The following FGD4 variants were observed in gnomAD, a reference collection of about 807,000 sequenced individuals.
FGD4 encodes the protein FYVE, RhoGEF and PH domain-containing protein 4.
In FGD4, 42 loss-of-function variants were observed where a neutral mutation model predicts 102.0. The observed-to-expected ratio is 0.41, with a 90% CI of 0.32 to 0.53. The LOEUF (loss-of-function observed/expected upper bound fraction) is 0.53, where lower values mean the gene tolerates loss of function less well. Ranked by LOEUF, FGD4 falls within the 20% of genes least tolerant of loss-of-function variation. The pLI is 0.21. For missense variants in FGD4, 902 were observed against 1,078.2 expected, an observed-to-expected ratio of 0.84 and a Z score of 2.29; for synonymous variants, 380 against 375.7, an observed-to-expected ratio of 1.01 and a Z score of -0.13.
intron 4 of FGD4, among the ~76,000 whole-genome samples, chr12:32,590,005 A>G (rs777314870): frequency 1.1e-4 from 17 of 152,114 alleles, no homozygotes; most frequent in Middle Eastern, 3.2e-3. Flanking sequence ...TGCTTATGAC[A>G]CTATATTATA....
At chr12:32,512,141 G>A (rs1038696182) in intron 1 of FGD4, among the ~76,000 whole-genome samples, 2 of 151,972 alleles carry the variant, frequency 1.3e-5, no homozygotes, top group Non-Finnish European at 2.9e-5. Flanking sequence ...GTGGCTTGAG[G>A]GCTCGAAGAA....
intron 13 of FGD4, 98 bp from the exon 14 acceptor site, chr12:32,625,556 A>G (rs1473463466): frequency 5.6e-6 from 8 of 1,435,898 alleles, no homozygotes; most frequent in African/African-American, 2.9e-5. Flanking sequence ...AGTTCAGAAC[A>G]TGGTTTGAGC....
intron 1 of FGD4, among the ~76,000 whole-genome samples, chr12:32,524,965 C>T (rs1230669362): frequency 1.3e-5 from 2 of 152,144 alleles, no homozygotes; most frequent in African/African-American, 4.8e-5. Context: ...ATATCTTATG[C>T]ATATACTAAG....
chr12:32,588,157 A>G (rs544663156), intron 4 of FGD4, among the ~76,000 whole-genome samples: 1 of 152,232 alleles, frequency 6.6e-6, no homozygotes, highest in Non-Finnish European at 1.5e-5. Context: ...AGCATTTAGA[A>G]TATGGAACTA....
At chr12:32,467,208 A>T (rs1424115211) in intron 1 of FGD4, among the ~76,000 whole-genome samples, 1 of 152,142 alleles carries the variant, frequency 6.6e-6, no homozygotes, top group Admixed American at 6.5e-5. Flanking sequence ...TGTCATGAGG[A>T]TTACAGTTTG....
chr12:32,470,719 G>A (rs192128967), intron 1 of FGD4, among the ~76,000 whole-genome samples: 21 of 152,252 alleles, frequency 1.4e-4, no homozygotes, highest in Admixed American at 8.5e-4. Flanking sequence ...CTCCCAAAGT[G>A]CTGGGATTAC....
chr12:32,572,962 G>C (rs1413913392), intron 2 of FGD4, among the ~76,000 whole-genome samples: 1 of 152,214 alleles, frequency 6.6e-6, no homozygotes, highest in African/African-American at 2.4e-5. Flanking sequence ...CAGAAGCTAA[G>C]AAAGGTGGCC....
At chr12:32,465,165 T>C (rs1193454332) in intron 1 of FGD4, among the ~76,000 whole-genome samples, 1 of 152,186 alleles carries the variant, frequency 6.6e-6, no homozygotes, top group Non-Finnish European at 1.5e-5. Flanking sequence ...AATTCACATA[T>C]AACTTTTGAC....
At chr12:32,563,075 G>A (rs1944782925) in intron 1 of FGD4, among the ~76,000 whole-genome samples, 1 of 148,522 alleles carries the variant, frequency 6.7e-6, no homozygotes, top group Admixed American at 6.7e-5. Context: ...GGACGGGGCG[G>A]CTGGCCGGGC....
At chr12:32,579,692 G>A (rs1946440094) in intron 3 of FGD4, 1 of 152,214 alleles carries the variant, frequency 6.6e-6, no homozygotes, top group African/African-American at 2.4e-5. Context: ...GACTACTTGG[G>A]AAATTATCCA....
chr12:32,526,057 G>A (rs1164653508), intron 1 of FGD4, among the ~76,000 whole-genome samples: 1 of 152,262 alleles, frequency 6.6e-6, no homozygotes, highest in Non-Finnish European at 1.5e-5. Context: ...AGGAATGCGA[G>A]CGCAGGGGGC....
intron 15 of FGD4, among the ~76,000 whole-genome samples, chr12:32,635,610 A>G (rs555109397): frequency 6.6e-5 from 10 of 152,346 alleles, no homozygotes; most frequent in Non-Finnish European, 1.2e-4. Context: ...TAGTCTTTGC[A>G]GACCAAGAGG....
intron 1 of FGD4, among the ~76,000 whole-genome samples, chr12:32,422,774 A>G (rs1941686892): frequency 6.6e-6 from 1 of 152,162 alleles, no homozygotes; most frequent in Non-Finnish European, 1.5e-5. Context: ...TATCATTTTC[A>G]TATATCTTGC....
chr12:32,494,697 G>A (rs1166969942), intron 1 of FGD4, among the ~76,000 whole-genome samples: 6 of 152,178 alleles, frequency 3.9e-5, no homozygotes, highest in Non-Finnish European at 8.8e-5. Context: ...TTGGTTGTGA[G>A]AAGGCCAGGG....
chr12:32,457,328 A>G (rs931999565), intron 1 of FGD4, among the ~76,000 whole-genome samples: 1 of 152,078 alleles, frequency 6.6e-6, no homozygotes, highest in Non-Finnish European at 1.5e-5. Context: ...GTTTTTGTCC[A>G]TTAACTTAGT....
At chr12:32,607,870 C>G in intron 7 of FGD4, 87 bp from the exon 8 acceptor site, 2 of 1,467,270 alleles carry the variant, frequency 1.4e-6, no homozygotes, top group Non-Finnish European at 1.9e-6. Context: ...AAAATATTGC[C>G]CTTGACGAAA....
At chr12:32,469,857 C>G (rs752537295) in intron 1 of FGD4, among the ~76,000 whole-genome samples, 1 of 151,806 alleles carries the variant, frequency 6.6e-6, no homozygotes, top group South Asian at 2.1e-4. Context: ...TGGGGTTTCT[C>G]CATGTTGGTC....
At chr12:32,566,641 A>G (rs1240458162) in intron 2 of FGD4, among the ~76,000 whole-genome samples, 1 of 152,172 alleles carries the variant, frequency 6.6e-6, no homozygotes, top group East Asian at 1.9e-4. Context: ...ATGAGCTGCC[A>G]CATAGATTGG....
intron 1 of FGD4, among the ~76,000 whole-genome samples, chr12:32,537,754 T>C (rs1942422409): frequency 6.6e-6 from 1 of 152,216 alleles, no homozygotes; most frequent in African/African-American, 2.4e-5. Context: ...TATGCCTTAT[T>C]CCCTTCATGT....
Sources: gnomAD v4.1 joint callset for allele counts (sites outside exome capture counted in the v4.1 genomes callset) on GRCh38, gnomAD v4.1.1 for gene constraint, MANE v1.5 for transcripts, NCBI Gene and HGNC (gene_info 2026-07-23, HGNC 2026-07-21) for gene names.